RDX: variants seen among roughly 807,000 people sequenced by gnomAD.
RDX encodes the protein deafness, autosomal recessive 24.
In RDX, 32 loss-of-function variants were observed where a neutral mutation model predicts 83.7. The ratio of observed to expected loss-of-function variants is 0.38; its 90% CI spans 0.29 to 0.51. The LOEUF is 0.51. Ranked by LOEUF, RDX falls within the 20% of genes least tolerant of loss-of-function variation. RDX has a pLI of 0.87. For synonymous variants in RDX, 229 were observed against 222.7 expected, an observed-to-expected ratio of 1.03 and a Z score of -0.25; for missense variants, 600 against 689.9, an observed-to-expected ratio of 0.87 and a Z score of 1.46.
Position 110,289,956 on chromosome 11 carries a change from CAAAAA to C in RDX, c.-65+6506_-65+6510del, listed in dbSNP as rs58146009. 1.4e-3 allele frequency among the ~76,000 whole-genome samples: 51 copies of C among 35,486 alleles called. 1 individual carries two copies. The highest frequency in any genetic ancestry group is 4.0e-3 in the South Asian group (3 of 758). The allele number at this position is 35,486 out of a possible 152,430, so 23.3% of individuals were successfully genotyped here. On this transcript the variant is annotated intron_variant, in intron 1 of 13. Transcript: ENST00000645495. ...CCTGGGTGACAAAGTGAGACTGTCT[CAAAAA>C]AAAAAAAAAAAAAAAAAAAAACAAG...
intron 14 of RDX, among the ~76,000 whole-genome samples, chr11:110,214,763 T>G (rs1468555338): frequency 1.0e-5 from 1 of 96,346 alleles, no homozygotes; most frequent in African/African-American, 3.8e-5. Flanking sequence ...ACACCACATA[T>G]TCTCACTCAT....
chr11:110,205,431 CAAAAAAAAAAA>C (rs35103862), intron 14 of RDX, among the ~76,000 whole-genome samples: 1 of 47,068 alleles, frequency 2.1e-5, no homozygotes. Context: ...TTTACCTATC[CAAAAAAAAAAA>C]AAAAAAAAAA....
intron 1 of RDX, among the ~76,000 whole-genome samples, chr11:110,289,973 A>AAAAAAAAAAC (rs1861161571): frequency 3.4e-5 from 5 of 148,204 alleles, no homozygotes; most frequent in African/African-American, 1.2e-4. Context: ...AAAAAAAAAA[A>AAAAAAAAAAC]AAAAAAAAAC....
intron 14 of RDX, among the ~76,000 whole-genome samples, chr11:110,210,724 A>G (rs1863802212): frequency 6.6e-6 from 1 of 152,058 alleles, no homozygotes; most frequent in Admixed American, 6.6e-5. Flanking sequence ...CCAGAATTTC[A>G]TATCCAGCCA....
intron 10 of RDX, 107 bp from the exon 11 acceptor site, chr11:110,237,759 G>A: frequency 2.4e-6 from 3 of 1,236,100 alleles, no homozygotes; most frequent in Non-Finnish European, 2.4e-6. Context: ...ATTTCTAAAA[G>A]TTAGCACACA....
chr11:110,225,237 T>C (rs1433965750), downstream of RDX, among the ~76,000 whole-genome samples: 1 of 152,140 alleles, frequency 6.6e-6, no homozygotes, highest in African/African-American at 2.4e-5. Flanking sequence ...AACAACAAAA[T>C]TGGACTTCAT....
chr11:110,201,828 A>G (rs1438772736), intron 14 of RDX, among the ~76,000 whole-genome samples: 12 of 151,942 alleles, frequency 7.9e-5, no homozygotes, highest in East Asian at 5.8e-4. Flanking sequence ...CTCTGCCTCC[A>G]GGATTCCAGC....
chr11:110,216,190 G>A (rs963661145), intron 14 of RDX, among the ~76,000 whole-genome samples: 1 of 152,084 alleles, frequency 6.6e-6, no homozygotes, highest in African/African-American at 2.4e-5. Context: ...CTCCTCCGGG[G>A]TCACCTGGCT....
At chr11:110,216,121 C>T (rs997904506) in intron 14 of RDX, among the ~76,000 whole-genome samples, 5 of 152,164 alleles carry the variant, frequency 3.3e-5, no homozygotes, top group Non-Finnish European at 7.4e-5. Context: ...AGGCTTCTCA[C>T]CATGGCTTAG....
intron 10 of RDX, among the ~76,000 whole-genome samples, chr11:110,240,085 T>C (rs1405823829): frequency 6.6e-6 from 1 of 152,174 alleles, no homozygotes; most frequent in East Asian, 1.9e-4. Flanking sequence ...GAAATCAATA[T>C]ATTGGAGATA....
downstream of RDX, among the ~76,000 whole-genome samples, chr11:110,224,467 G>A (rs1238687009): frequency 6.6e-6 from 1 of 152,114 alleles, no homozygotes; most frequent in Non-Finnish European, 1.5e-5. Context: ...TCTGAATCCA[G>A]AGAAATGCTC....
At chr11:110,182,616 C>G (rs188940057) in intron 15 of RDX, among the ~76,000 whole-genome samples, 2 of 152,188 alleles carry the variant, frequency 1.3e-5, no homozygotes, top group East Asian at 3.9e-4. Flanking sequence ...ACAACAACAA[C>G]AACTTATTGA....
chr11:110,229,351 C>T (rs767622397), downstream of RDX: 2 of 152,350 alleles, frequency 1.3e-5, no homozygotes, highest in South Asian at 4.1e-4. Context: ...CTACTTCTTA[C>T]TTTTAAGTTG....
intron 14 of RDX, among the ~76,000 whole-genome samples, chr11:110,216,261 T>G (rs915164244): frequency 1.1e-4 from 16 of 152,184 alleles, no homozygotes; most frequent in African/African-American, 3.9e-4. Context: ...TGCCTCAAAG[T>G]ATTTGCATAT....
chr11:110,254,220 A>G (rs143219233), intron 8 of RDX, 111 bp from the exon 9 acceptor site: 1 of 856,690 alleles, frequency 1.2e-6, no homozygotes, highest in East Asian at 2.7e-5. Flanking sequence ...TATTACATAT[A>G]GTTTAGAAAT....
intron 14 of RDX, among the ~76,000 whole-genome samples, chr11:110,204,810 C>T (rs1025424711): frequency 1.8e-4 from 27 of 152,048 alleles, no homozygotes; most frequent in African/African-American, 6.3e-4. Context: ...CTACCGTGCC[C>T]GGCCGTACAG....
At chr11:110,273,962 G>A (rs1860404065) in intron 2 of RDX, among the ~76,000 whole-genome samples, 1 of 152,104 alleles carries the variant, frequency 6.6e-6, no homozygotes, top group African/African-American at 2.4e-5. Context: ...TGAGGACACA[G>A]CTTGTGCCAT....
chr11:110,263,589 G>A lies in RDX; in HGVS notation c.467+371C>T, dbSNP rs534697312. On this transcript the variant is annotated intron_variant, in intron 5 of 13. Transcript: ENST00000645495. ...AAAAAAAAAAAAAGAGGCCAGGTGC[G>A]GTGGCTCATGCCTGTAATCCCAGCA... is the stretch of plus-strand genomic sequence containing the variant. Among the ~76,000 whole-genome samples the A allele has an allele frequency of 1.7e-4, 26 of 150,962 alleles. No individual in the cohort carries two copies. The East Asian group carries it at 2.8e-3, about 16-fold the overall frequency.
intron 5 of RDX, among the ~76,000 whole-genome samples, chr11:110,261,833 G>C (rs554685788): frequency 4.1e-4 from 62 of 152,176 alleles, no homozygotes; most frequent in Admixed American, 1.3e-3. Flanking sequence ...GAGTAGGTTA[G>C]AGCACACCCA....
Sources: gnomAD v4.1 joint callset for allele counts (sites outside exome capture counted in the v4.1 genomes callset) on GRCh38, gnomAD v4.1.1 for gene constraint, MANE v1.5 for transcripts, NCBI Gene and HGNC (gene_info 2026-07-23, HGNC 2026-07-21) for gene names.